Variants in ADISSP observed in about 807,000 individuals in gnomAD.
The protein encoded by ADISSP is adipose secreted signaling protein.
At chr20:3,763,255 C>CAAAAAAAAAA in the ADISSP span, among the ~76,000 whole-genome samples, 1 of 48,746 alleles carries the variant, frequency 2.1e-5, no homozygotes, top group Non-Finnish European at 3.9e-5. Context: ...GACTCTGTCT[C>CAAAAAAAAAA]AAAAAAAAAA....
the ADISSP span, chr20:3,767,879 G>A: frequency 6.6e-6 from 1 of 152,276 alleles, no homozygotes; most frequent in Admixed American, 6.5e-5. Flanking sequence ...CAACTGGCGA[G>A]GGCCGCCTAC....
the ADISSP span, among the ~76,000 whole-genome samples, chr20:3,757,736 C>A: frequency 6.6e-6 from 1 of 152,300 alleles, no homozygotes; most frequent in East Asian, 1.9e-4. Context: ...TCAAGCAATT[C>A]TTCTGCCTCA....
the ADISSP span, chr20:3,754,614 A>C: frequency 7.7e-7 from 1 of 1,302,288 alleles, no homozygotes; most frequent in Admixed American, 1.8e-5. Context: ...CCATGGGGGG[A>C]CTGCATGCTA....
the ADISSP span, among the ~76,000 whole-genome samples, chr20:3,757,611 A>G: frequency 6.6e-6 from 1 of 151,866 alleles, no homozygotes; most frequent in Admixed American, 6.6e-5. Context: ...AATGGATACA[A>G]ACCTGGGCCC....
chr20:3,757,015 G>C, the ADISSP span, among the ~76,000 whole-genome samples: 1 of 104,678 alleles, frequency 9.6e-6, no homozygotes, highest in Non-Finnish European at 1.9e-5. Flanking sequence ...CATCACCATA[G>C]TGTTTTCAGA....
chr20:3,759,698 C>T, the ADISSP span, among the ~76,000 whole-genome samples: 1 of 152,108 alleles, frequency 6.6e-6, no homozygotes, highest in African/African-American at 2.4e-5. This position sits in a 1 kb window ranked among gnomAD's most constrained non-coding sequence, Gnocchi z 4.6. Flanking sequence ...TCCCTTATCC[C>T]TTCTGGACTC....
At chr20:3,760,309 G>A in the ADISSP span, 1 of 567,148 alleles carries the variant, frequency 1.8e-6, no homozygotes, top group Middle Eastern at 4.8e-4. Context: ...AGCCCAAGTG[G>A]TGCCTGTACT....
the ADISSP span, chr20:3,758,558 C>G: frequency 6.2e-7 from 1 of 1,613,774 alleles, no homozygotes; most frequent in Non-Finnish European, 8.5e-7. This position sits in a 1 kb window ranked among gnomAD's most constrained non-coding sequence, Gnocchi z 5.5. Context: ...GCTGCTGTCA[C>G]TCTCCTGGGT....
At chr20:3,754,494 C>A in the ADISSP span, 39 of 1,613,866 alleles carry the variant, frequency 2.4e-5, no homozygotes, top group African/African-American at 4.8e-4. Context: ...CTTTGTGCGC[C>A]GAGTACTCAC....
chr20:3,760,155 G>A, the ADISSP span: 1 of 1,431,792 alleles, frequency 7.0e-7, no homozygotes, highest in Non-Finnish European at 9.8e-7. Flanking sequence ...ACGCTCAGCA[G>A]CCTCCCATGC....
the ADISSP span, chr20:3,760,208 G>A: frequency 1.1e-6 from 1 of 936,002 alleles, no homozygotes. Flanking sequence ...GGAGTGGGGA[G>A]GGCAGGGGTC....
chr20:3,754,534 G>A, the ADISSP span: 10 of 1,604,144 alleles, frequency 6.2e-6, no homozygotes, highest in Non-Finnish European at 8.5e-6. Context: ...CCGGGGACAG[G>A]GGCAATTGGT....
the ADISSP span, among the ~76,000 whole-genome samples, chr20:3,757,669 C>T: frequency 6.6e-6 from 1 of 152,122 alleles, no homozygotes; most frequent in Non-Finnish European, 1.5e-5. Flanking sequence ...CTTTCTGTTG[C>T]CCAGGCTGGA....
chr20:3,755,411 A>G, the ADISSP span: 1 of 1,546,414 alleles, frequency 6.5e-7, no homozygotes, highest in Admixed American at 1.7e-5. Context: ...GAAGTAAGGG[A>G]GCACCCCATG....
the ADISSP span, among the ~76,000 whole-genome samples, chr20:3,763,737 G>A: frequency 6.6e-6 from 1 of 152,180 alleles, no homozygotes; most frequent in Non-Finnish European, 1.5e-5. Flanking sequence ...TCAGTCCAGG[G>A]ACAGAAGAGG....
At chr20:3,756,410 G>A in the ADISSP span, among the ~76,000 whole-genome samples, 5 of 152,210 alleles carry the variant, frequency 3.3e-5, no homozygotes, top group Non-Finnish European at 7.3e-5. Flanking sequence ...TCACAAGCCA[G>A]GGTGGTTGCT....
chr20:3,764,997 C>A, the ADISSP span, among the ~76,000 whole-genome samples: 1 of 152,186 alleles, frequency 6.6e-6, no homozygotes, highest in Non-Finnish European at 1.5e-5. Context: ...GCCCCATGCC[C>A]ACTGAGGGTA....
chr20:3,759,263 C>G, the ADISSP span, among the ~76,000 whole-genome samples: 2 of 152,268 alleles, frequency 1.3e-5, no homozygotes, highest in East Asian at 3.9e-4. This position sits in a 1 kb window ranked among gnomAD's most constrained non-coding sequence, Gnocchi z 4.6. Context: ...CCTCACTGGC[C>G]CCTGGCAGCA....
chr20:3,758,024 A>T, the ADISSP span, among the ~76,000 whole-genome samples: 1 of 152,066 alleles, frequency 6.6e-6, no homozygotes, highest in Non-Finnish European at 1.5e-5. The surrounding 1 kb of genome is among the most constrained non-coding windows in gnomAD (Gnocchi z 5.5). Context: ...ACAGGGGGTG[A>T]TAATACTACT....
Sources: allele counts gnomAD v4.1 joint callset (sites outside exome capture counted in the v4.1 genomes callset), GRCh38; gene constraint gnomAD v4.1.1; non-coding constraint Gnocchi (gnomAD v3.1); transcripts MANE v1.5; gene names NCBI Gene and HGNC (gene_info 2026-07-23, HGNC 2026-07-21).